The following PPP5C variants were observed in gnomAD, a reference collection of about 807,000 sequenced individuals.
PPP5C encodes the protein serine/threonine-protein phosphatase 5.
In PPP5C, 21 loss-of-function variants were observed where a neutral mutation model predicts 66.7. That is an observed-to-expected ratio of 0.31 (90% CI 0.22 to 0.45). The LOEUF (loss-of-function observed/expected upper bound fraction) is 0.45, where lower values mean the gene tolerates loss of function less well. Among genes scored for constraint, PPP5C ranks in the 20% least tolerant of loss-of-function variants. PPP5C has a pLI of 1.00. For synonymous variants in PPP5C, 246 were observed against 257.4 expected (o/e 0.96, Z 0.43); for missense variants, 464 against 675.9 (o/e 0.69, Z 3.48).
intron 7 of PPP5C, among the ~76,000 whole-genome samples, chr19:46,386,128 A>C (rs889771829): frequency 4.6e-5 from 7 of 152,078 alleles, no homozygotes; most frequent in Admixed American, 2.6e-4. Context: ...TGTGGCCAGG[A>C]GCTGAGGAGC....
intron 2 of PPP5C, among the ~76,000 whole-genome samples, chr19:46,375,298 C>G (rs989832400): frequency 2.6e-5 from 4 of 152,190 alleles, no homozygotes; most frequent in Non-Finnish European, 4.4e-5. Context: ...TGCTGCTCAC[C>G]CCACAGGGAT....
At position 46,363,861 on chromosome 19, in the gene PPP5C, C is replaced by T. The variant is rs184475976; in HGVS notation, c.363+9872C>T. On this transcript the variant is annotated intron_variant, in intron 2 of 12. Transcript: ENST00000012443. The stretch of plus-strand genomic sequence containing the variant: ...AGCACACATGTACACATGTATGTAT[C>T]GACAAGTTACAGAGATCAAGGAGCT... Among the ~76,000 whole-genome samples, 14 of 152,162 alleles carry T rather than the reference C, an allele frequency of 9.2e-5. No homozygotes were observed. In the East Asian group the frequency reaches 1.9e-3, roughly 21 times the overall value.
intron 2 of PPP5C, among the ~76,000 whole-genome samples, chr19:46,359,341 A>C (rs956247025): frequency 6.6e-6 from 1 of 152,228 alleles, no homozygotes; most frequent in Non-Finnish European, 1.5e-5. Flanking sequence ...GAAGATTAGT[A>C]ATTTAAATAG....
intron 2 of PPP5C, among the ~76,000 whole-genome samples, chr19:46,366,842 C>A: frequency 6.6e-6 from 1 of 152,204 alleles, no homozygotes; most frequent in East Asian, 1.9e-4. Flanking sequence ...GAGTACTTCT[C>A]TTAAGTGAGA....
chr19:46,350,213 G>A (rs1348661661), intron 1 of PPP5C, among the ~76,000 whole-genome samples: 3 of 152,158 alleles, frequency 2.0e-5, no homozygotes, highest in Non-Finnish European at 2.9e-5. Context: ...GGGTGAGAAG[G>A]GAGTGGCTGA....
In PPP5C at chr19:46,390,520, G is replaced by T. The variant is rs1241255148; in HGVS notation, c.*174G>T. The T allele has an allele frequency of 6.9e-7, 1 of 1,454,112 alleles. No homozygotes were observed. The highest frequency in any genetic ancestry group is 9.1e-7 in the Non-Finnish European group (1 of 1,102,250). 90.1% of individuals were successfully genotyped at this position (1,454,112 alleles called of 1,614,324 possible). The stretch of plus-strand genomic sequence containing the variant: ...CAGAGGGGGTAGGGGCAGAGTCAGG[G>T]GCTGGCCAGAGGGTCTGCTCCCTGG... On this transcript the variant is annotated 3_prime_UTR_variant, in exon 13 of 13. Transcript: ENST00000012443.
chr19:46,370,663 T>C (rs1972573475), intron 2 of PPP5C, among the ~76,000 whole-genome samples: 2 of 152,170 alleles, frequency 1.3e-5, no homozygotes, highest in African/African-American at 4.8e-5. Context: ...TTTCAGTGTG[T>C]TTATCTTCTG....
chr19:46,356,272 C>T (rs1339789764), intron 2 of PPP5C, among the ~76,000 whole-genome samples: 1 of 152,240 alleles, frequency 6.6e-6, no homozygotes, highest in East Asian at 1.9e-4. Context: ...AACATGAGGG[C>T]TTACCTGTCA....
chr19:46,357,235 A>T (rs1377730768), intron 2 of PPP5C, among the ~76,000 whole-genome samples: 1 of 152,040 alleles, frequency 6.6e-6, no homozygotes, highest in Non-Finnish European at 1.5e-5. Context: ...TTTTGTGGAG[A>T]TGGGGTTTCA....
In PPP5C at chr19:46,386,515, A is replaced by G. The variant is rs187368376; in HGVS notation, c.905-578A>G. Among the ~76,000 whole-genome samples, 48 of 148,542 alleles carry G rather than the reference A, an allele frequency of 3.2e-4. 1 individual carries two copies. In the East Asian group the frequency reaches 9.3e-3, roughly 29 times the overall value. On this transcript the variant is annotated intron_variant, in intron 7 of 12. Transcript: ENST00000012443. Reference sequence around the variant, plus strand: ...CTGGGCAGCCTTCTCCTTGCCCCCAAGCTCTGGAAGGGAAGAAGGAGGCCG... The same window carrying G: ...CTGGGCAGCCTTCTCCTTGCCCCCAGGCTCTGGAAGGGAAGAAGGAGGCCG...
In PPP5C at chr19:46,376,690, A is replaced by G. The variant is rs2147390710; in HGVS notation, c.633+116A>G. The G allele has an allele frequency of 2.1e-6, 3 of 1,412,164 alleles. No homozygotes were observed. The East Asian group carries it at 7.0e-5, about 33-fold the overall frequency. 87.5% of individuals were successfully genotyped at this position (1,412,164 alleles called of 1,614,324 possible). A position where few individuals can be genotyped will look rare whatever the true frequency, so the allele number is the denominator to read the frequency against. ...AAGGGCGGCCATGACAGCCAACACC[A>G]AACAGGAGTCGTGTGCCGGACACTG... On this transcript the variant is annotated intron_variant, in intron 4 of 12. Transcript: ENST00000012443. This position sits in a 1 kb window ranked among gnomAD's most constrained non-coding sequence, Gnocchi z 5.1.
rs550792601 is a variant in PPP5C, at chr19:46,348,217, T to A, written c.121+1000T>A. Among the ~76,000 whole-genome samples, 14 of 151,660 alleles carry A rather than the reference T, an allele frequency of 9.2e-5. No individual in the cohort carries two copies. In the South Asian group the frequency reaches 1.5e-3, roughly 16 times the overall value. On this transcript the variant is annotated intron_variant, in intron 1 of 12. Coordinates refer to ENST00000012443, the MANE Select transcript of PPP5C (RefSeq NM_006247.4). ...GTACTGGCATGGCTGGGGCTTTGGCTACTTAGGGGGAGACCAATAACAAGA... is the reference window on the plus strand; with the variant it reads ...GTACTGGCATGGCTGGGGCTTTGGCAACTTAGGGGGAGACCAATAACAAGA...
intron 2 of PPP5C, among the ~76,000 whole-genome samples, chr19:46,366,076 C>G (rs1972485560): frequency 6.6e-6 from 1 of 152,152 alleles, no homozygotes; most frequent in Non-Finnish European, 1.5e-5. Flanking sequence ...TTCAGGAGCA[C>G]TCACCCTTTT....
chr19:46,369,663 C>G (rs1972551345), intron 2 of PPP5C, among the ~76,000 whole-genome samples: 1 of 137,444 alleles, frequency 7.3e-6, no homozygotes, highest in African/African-American at 2.8e-5. Context: ...CATGGTGGCT[C>G]ACGCCTGTAA....
rs1259702975 is a variant in PPP5C, at chr19:46,376,544, G to A, written c.603G>A (p.Gln201=). The part of the protein sequence containing the change: ...MKELMQWYKD[Q]KKLHRKCAYQ... ...AGCTCATGCAGTGGTACAAGGACCAGAAGAAACTGCACCGGAAATGTGCCT... is the reference window on the plus strand; with the variant it reads ...AGCTCATGCAGTGGTACAAGGACCAAAAGAAACTGCACCGGAAATGTGCCT... The change falls in exon 4 of 13, where the codon CAG becomes CAA. Residue 201 remains glutamine, a synonymous_variant. Coordinates refer to ENST00000012443, the MANE Select transcript of PPP5C (RefSeq NM_006247.4). This position sits in a 1 kb window ranked among gnomAD's most constrained non-coding sequence, Gnocchi z 5.1. The A allele has an allele frequency of 1.9e-6, 3 of 1,613,830 alleles. No individual in the cohort carries two copies. In the African/African-American group the frequency reaches 4.0e-5, roughly 22 times the overall value.
At chr19:46,353,631 C>G in intron 1 of PPP5C, 117 bp from the exon 2 acceptor site, 1 of 1,445,018 alleles carries the variant, frequency 6.9e-7, no homozygotes, top group Non-Finnish European at 9.5e-7. Flanking sequence ...TGTCTCTGGG[C>G]TCAGGGTAGC....
chr19:46,365,365 G>C (rs564291320), intron 2 of PPP5C, among the ~76,000 whole-genome samples: 42 of 151,788 alleles, frequency 2.8e-4, no homozygotes, highest in Non-Finnish European at 4.3e-4. Flanking sequence ...TGATCCACCT[G>C]TCTCAGCCTC....
At chr19:46,362,719 T>C (rs1972411761) in intron 2 of PPP5C, among the ~76,000 whole-genome samples, 1 of 152,080 alleles carries the variant, frequency 6.6e-6, no homozygotes, top group Non-Finnish European at 1.5e-5. Flanking sequence ...GTAAGAACCT[T>C]AAAGTTAGAT....
At chr19:46,347,725 G>C (rs1972108763) in intron 1 of PPP5C, among the ~76,000 whole-genome samples, 1 of 151,980 alleles carries the variant, frequency 6.6e-6, no homozygotes, top group South Asian at 2.1e-4. Flanking sequence ...ATGTGATGGT[G>C]GGGGCCTTGG....
Sources: gnomAD v4.1 joint callset for allele counts (sites outside exome capture counted in the v4.1 genomes callset) on GRCh38, gnomAD v4.1.1 for gene constraint, Gnocchi (gnomAD v3.1) non-coding constraint, MANE v1.5 for transcripts, NCBI Gene and HGNC (gene_info 2026-07-23, HGNC 2026-07-21) for gene names.